The following DYNC2I1 variants were observed in gnomAD, a reference collection of about 807,000 sequenced individuals.
The protein encoded by DYNC2I1 is cytoplasmic dynein 2 intermediate chain 1.
DYNC2I1 carries 89 observed loss-of-function variants against 133.4 expected under a neutral mutation model. The ratio of observed to expected loss-of-function variants is 0.67; its 90% CI spans 0.56 to 0.80. The LOEUF (loss-of-function observed/expected upper bound fraction) is 0.80, where lower values mean the gene tolerates loss of function less well. Ranked by LOEUF, DYNC2I1 falls within the 30% of genes least tolerant of loss-of-function variation. The pLI is 0.00. For missense variants in DYNC2I1, 1,291 were observed against 1,314.5 expected (o/e 0.98, Z 0.28); for synonymous variants, 504 against 484.3 (o/e 1.04, Z -0.54).
chr7:158,914,251 C>T lies in DYNC2I1; in HGVS notation c.1721C>T (p.Thr574Ile), dbSNP rs374402136. 6 of 1,611,440 alleles carry T rather than the reference C, an allele frequency of 3.7e-6. No individual in the cohort carries two copies. The highest frequency in any genetic ancestry group is 5.1e-6 in the Non-Finnish European group (6 of 1,178,724). ...VVSGGSEQRD[T>I]SDAVVMPKID... ...TTTTTAGGCAGTGAACAAAGAGATA[C>T]CTCTGATGCTGTAGTTATGCCAAAG... The change falls in exon 14 of 25, where the codon ACC (threonine) becomes ATC (isoleucine). Residue 574 changes from threonine (T) to isoleucine (I), a missense_variant. Coordinates refer to ENST00000407559, the MANE Select transcript of DYNC2I1 (RefSeq NM_018051.5).
At chr7:158,879,037 C>A (rs923716786) in intron 4 of DYNC2I1, among the ~76,000 whole-genome samples, 1 of 151,812 alleles carries the variant, frequency 6.6e-6, no homozygotes, top group African/African-American at 2.4e-5. Context: ...TGTGGAGAGG[C>A]CAGGAGGGCC....
At chr7:158,898,231 T>G (rs975310476) in intron 8 of DYNC2I1, among the ~76,000 whole-genome samples, 8 of 152,234 alleles carry the variant, frequency 5.3e-5, no homozygotes, top group African/African-American at 1.9e-4. Flanking sequence ...TGAAGCAGTC[T>G]AACGCTGCCC....
intron 1 of DYNC2I1, among the ~76,000 whole-genome samples, chr7:158,861,851 C>T (rs1229310721): frequency 2.6e-5 from 4 of 152,158 alleles, no homozygotes; most frequent in Non-Finnish European, 5.9e-5. Flanking sequence ...TTACCGTTTT[C>T]TTCAGAGCAC....
At chr7:158,882,847 G>C (rs539887266) in intron 5 of DYNC2I1, among the ~76,000 whole-genome samples, 99 of 145,870 alleles carry the variant, frequency 6.8e-4, no homozygotes, top group African/African-American at 2.4e-3. Flanking sequence ...CTGCACTCCA[G>C]ACTGGAGGAC....
At chr7:158,851,173 A>T in the DYNC2I1 span, among the ~76,000 whole-genome samples, 7,188 of 152,206 alleles carry the variant, frequency 0.047, 200 homozygotes, top group Admixed American at 0.065. Flanking sequence ...ACATTTAGTA[A>T]GAGTCTTTTC....
At chr7:158,891,999 G>A (rs982967373) in intron 8 of DYNC2I1, among the ~76,000 whole-genome samples, 6 of 152,048 alleles carry the variant, frequency 3.9e-5, no homozygotes, top group African/African-American at 1.2e-4. Context: ...GGCTCTCCTC[G>A]GGGCAGGTGA....
Position 158,926,166 on chromosome 7 carries a change from C to T in DYNC2I1, c.2258-21C>T, listed in dbSNP as rs760573362. 8.9e-6 allele frequency: 14 copies of T among 1,580,060 alleles called. No individual in the cohort carries two copies. In the Admixed American group the frequency reaches 1.9e-4, roughly 21 times the overall value. On this transcript the variant is annotated intron_variant, in intron 17 of 24. Coordinates refer to ENST00000407559, the MANE Select transcript of DYNC2I1 (RefSeq NM_018051.5). ...TCAACTTACTACTTACACGTGGATG[C>T]TGTGGGCTTTTGAACTCCAGATGGA...
rs1356842413 is a variant in DYNC2I1, at chr7:158,856,657, G to A, written c.-79G>A. The A allele has an allele frequency of 3.3e-6, 4 of 1,220,428 alleles. No individual in the cohort carries two copies. Among genetic ancestry groups the A allele is most frequent in the Non-Finnish European group, 4.1e-6 (4 of 977,134 alleles). The allele number at this position is 1,220,428 out of a possible 1,614,324, so 75.6% of individuals were successfully genotyped here. ...GGGACGCGCCTCCCGAAGGGTGCGGGGCACAGGTGGCCTCTTCGGGGTGGA... is the reference window on the plus strand; with the variant it reads ...GGGACGCGCCTCCCGAAGGGTGCGGAGCACAGGTGGCCTCTTCGGGGTGGA... On this transcript the variant is annotated 5_prime_UTR_variant, in exon 1 of 25. Transcript: ENST00000407559.
At chr7:158,902,024 T>C (rs569339290) in intron 9 of DYNC2I1, among the ~76,000 whole-genome samples, 2 of 152,332 alleles carry the variant, frequency 1.3e-5, no homozygotes, top group East Asian at 3.9e-4. Flanking sequence ...TTAAATGATT[T>C]TATAATTTAA....
intron 1 of DYNC2I1, among the ~76,000 whole-genome samples, chr7:158,858,504 C>T (rs370676247): frequency 3.3e-5 from 5 of 152,186 alleles, no homozygotes; most frequent in African/African-American, 1.2e-4. Flanking sequence ...TCATAAATGG[C>T]CCTATTTGCC....
chr7:158,919,495 C>A (rs1406790506), intron 15 of DYNC2I1, among the ~76,000 whole-genome samples: 1 of 152,192 alleles, frequency 6.6e-6, no homozygotes, highest in Non-Finnish European at 1.5e-5. Flanking sequence ...AAGTGGCTGT[C>A]GGGTACCGGA....
chr7:158,908,305 G>A (rs1321336354), intron 11 of DYNC2I1, among the ~76,000 whole-genome samples: 5 of 152,016 alleles, frequency 3.3e-5, no homozygotes, highest in Admixed American at 3.3e-4. Flanking sequence ...AGAGAGCATA[G>A]CTAGTGTAAA....
upstream of DYNC2I1, among the ~76,000 whole-genome samples, chr7:158,855,628 T>A (rs1841175945): frequency 1.3e-5 from 2 of 152,204 alleles, no homozygotes; most frequent in African/African-American, 4.8e-5. Flanking sequence ...CCAAAGTTAG[T>A]TCAGCCTACT....
chr7:158,938,989 A>T (rs1435964142), intron 23 of DYNC2I1, among the ~76,000 whole-genome samples: 1 of 152,262 alleles, frequency 6.6e-6, no homozygotes, highest in Admixed American at 6.5e-5. Flanking sequence ...TTCTTAAGAT[A>T]TAAGTAATTT....
At chr7:158,949,618 G>A (rs1431208095), downstream of DYNC2I1, among the ~76,000 whole-genome samples, 1 of 129,856 alleles carries the variant, frequency 7.7e-6, no homozygotes, top group African/African-American at 2.7e-5. Context: ...CACAGACGGC[G>A]CAGTTCAGCG....
chr7:158,925,881 G>GT (rs1262107784), intron 17 of DYNC2I1, among the ~76,000 whole-genome samples: 1 of 152,178 alleles, frequency 6.6e-6, no homozygotes, highest in Non-Finnish European at 1.5e-5. Flanking sequence ...CTCTGTCTGA[G>GT]TTTTCTTTCG....
In DYNC2I1 at chr7:158,926,225, C is replaced by G. The variant is rs757626446; in HGVS notation, c.2296C>G (p.Gln766Glu). 15 of 1,613,528 alleles carry G rather than the reference C, an allele frequency of 9.3e-6. No individual in the cohort carries two copies. Among genetic ancestry groups the G allele is most frequent in the Non-Finnish European group, 1.1e-5 (13 of 1,179,776 alleles). ...CTCAGTAAACCACCGAAGCCCTCTTCAAGCAGTAGAACCTATCTCAACGTC... is the reference window on the plus strand; with the variant it reads ...CTCAGTAAACCACCGAAGCCCTCTTGAAGCAGTAGAACCTATCTCAACGTC... The part of the protein sequence containing the change: ...LTSVNHRSPL[Q>E]AVEPISTSVH... Residue 766 changes from glutamine to glutamate, a missense_variant, in exon 18 of 25, where the codon CAA becomes GAA. Gln to Glu is a conservative substitution (Grantham distance 29, BLOSUM62 2). Transcript: ENST00000407559.
chr7:158,932,166 G>A (rs2730246), intron 21 of DYNC2I1, among the ~76,000 whole-genome samples: 8 of 152,230 alleles, frequency 5.3e-5, no homozygotes, highest in Non-Finnish European at 7.3e-5. Flanking sequence ...AGGTCCTGCA[G>A]CTCTGTCTGC....
At chr7:158,911,469 A>C in intron 11 of DYNC2I1, 81 bp from the exon 12 acceptor site, 1 of 1,462,504 alleles carries the variant, frequency 6.8e-7, no homozygotes, top group Non-Finnish European at 9.2e-7. Flanking sequence ...ATTTAACTCT[A>C]AGTTTACTTC....
Sources: allele counts gnomAD v4.1 joint callset (sites outside exome capture counted in the v4.1 genomes callset), GRCh38; gene constraint gnomAD v4.1.1; transcripts MANE v1.5; gene names NCBI Gene and HGNC (gene_info 2026-07-23, HGNC 2026-07-21).